Variants in SNTG1 observed in about 807,000 individuals in gnomAD.
The protein encoded by SNTG1 is syntrophin gamma 1, also known as gamma-1-syntrophin.
Under a neutral mutation model 74.7 loss-of-function variants are expected in SNTG1, and 39 were observed. The ratio of observed to expected loss-of-function variants is 0.52; its 90% CI spans 0.40 to 0.68. SNTG1 has a LOEUF of 0.68. Ranked by LOEUF, SNTG1 falls within the 30% of genes least tolerant of loss-of-function variation. SNTG1 has a pLI of 0.00. For synonymous variants in SNTG1, 254 were observed against 217.1 expected, an observed-to-expected ratio of 1.17 and a Z score of -1.49; for missense variants, 685 against 609.5, an observed-to-expected ratio of 1.12 and a Z score of -1.30.
intron 1 of SNTG1, among the ~76,000 whole-genome samples, chr8:50,151,812 G>A (rs1449077507): frequency 1.3e-5 from 2 of 152,184 alleles, no homozygotes; most frequent in Non-Finnish European, 2.9e-5. Context: ...CATTTGCTAA[G>A]GAGTGCTTTA....
chr8:50,470,438 T>A (rs1226388520), intron 8 of SNTG1, among the ~76,000 whole-genome samples: 1 of 152,094 alleles, frequency 6.6e-6, no homozygotes, highest in Non-Finnish European at 1.5e-5. Flanking sequence ...CCTTCAGATG[T>A]TCAGATGTGT....
At chr8:50,243,391 C>A (rs531737423) in intron 2 of SNTG1, among the ~76,000 whole-genome samples, 1 of 152,206 alleles carries the variant, frequency 6.6e-6, no homozygotes, top group Non-Finnish European at 1.5e-5. Flanking sequence ...CCCTATTTTA[C>A]TAAAATTTAT....
At chr8:50,029,180 A>G (rs1817535443) in intron 1 of SNTG1, among the ~76,000 whole-genome samples, 1 of 151,820 alleles carries the variant, frequency 6.6e-6, no homozygotes, top group Non-Finnish European at 1.5e-5. Context: ...GTCTTTTTAC[A>G]TTTGTTTTAT....
rs200236109 is a variant in SNTG1 at position 50,511,822 on chromosome 8, G to A, written c.466+8942G>A. On this transcript the variant is annotated intron_variant, in intron 9 of 18. Coordinates refer to ENST00000642720, the MANE Select transcript of SNTG1 (RefSeq NM_018967.5). Reference sequence around the variant, plus strand: ...GCCTATGTGTGTCTCTGCACGTGAGGTGGGTTTCCTGAATACAGCACACTG... The same window carrying A: ...GCCTATGTGTGTCTCTGCACGTGAGATGGGTTTCCTGAATACAGCACACTG... Among the ~76,000 whole-genome samples, 18 of 152,186 alleles carry A rather than the reference G, an allele frequency of 1.2e-4. No homozygotes were observed. In the East Asian group the frequency reaches 3.3e-3, roughly 28 times the overall value.
intron 17 of SNTG1, among the ~76,000 whole-genome samples, chr8:50,724,941 G>T (rs535254770): frequency 4.1e-4 from 62 of 152,198 alleles, no homozygotes; most frequent in Non-Finnish European, 7.8e-4. Flanking sequence ...AGAGTTAACA[G>T]ATTTTTTTAA....
chr8:50,519,905 C>T (rs1222495256), intron 9 of SNTG1, among the ~76,000 whole-genome samples: 1 of 150,730 alleles, frequency 6.6e-6, no homozygotes, highest in Non-Finnish European at 1.5e-5. Flanking sequence ...TTCAAGCTAC[C>T]ATTGACTTTC....
intron 1 of SNTG1, among the ~76,000 whole-genome samples, chr8:49,948,347 T>C (rs556871743): frequency 1.4e-3 from 215 of 152,326 alleles, no homozygotes; most frequent in African/African-American, 5.0e-3. Context: ...TGGGTTATTT[T>C]ACTGTGGTGA....
At chr8:50,683,660 CT>C (rs1388356358) in intron 15 of SNTG1, among the ~76,000 whole-genome samples, 5 of 152,154 alleles carry the variant, frequency 3.3e-5, no homozygotes, top group Admixed American at 3.3e-4. Context: ...CAAGTATTCC[CT>C]TTATATCCCA....
intron 8 of SNTG1, among the ~76,000 whole-genome samples, chr8:50,477,186 T>C (rs2093703765): frequency 2.0e-5 from 3 of 151,932 alleles, no homozygotes; most frequent in South Asian, 2.1e-4. Context: ...GTATGGGCTG[T>C]CCATTCTGAC....
At chr8:50,354,581 T>C (rs953892312) in intron 2 of SNTG1, among the ~76,000 whole-genome samples, 1 of 152,222 alleles carries the variant, frequency 6.6e-6, no homozygotes, top group Non-Finnish European at 1.5e-5. Flanking sequence ...TTATTGTCTC[T>C]TCTGTTATAT....
intron 12 of SNTG1, among the ~76,000 whole-genome samples, chr8:50,565,309 G>A (rs1354675468): frequency 2.6e-5 from 4 of 151,964 alleles, no homozygotes; most frequent in Non-Finnish European, 4.4e-5. Flanking sequence ...GTGGAAATCT[G>A]AAAAGAGTAT....
At chr8:50,393,387 T>G (rs2092687517) in intron 2 of SNTG1, among the ~76,000 whole-genome samples, 1 of 152,190 alleles carries the variant, frequency 6.6e-6, no homozygotes, top group Admixed American at 6.5e-5. Context: ...TGAGTAATTT[T>G]GAGGAGTACA....
intron 13 of SNTG1, among the ~76,000 whole-genome samples, chr8:50,653,348 C>T (rs758308847): frequency 6.6e-6 from 1 of 152,098 alleles, no homozygotes; most frequent in African/African-American, 2.4e-5. Flanking sequence ...AAGAGGATCA[C>T]TTGAGCTGGG....
chr8:50,578,939 G>C (rs1225547127), intron 12 of SNTG1, among the ~76,000 whole-genome samples: 1 of 152,156 alleles, frequency 6.6e-6, no homozygotes, highest in Non-Finnish European at 1.5e-5. Context: ...ACCTGAAAAT[G>C]TGGAAGTGAC....
At chr8:50,694,642 G>A (rs886924994) in intron 15 of SNTG1, among the ~76,000 whole-genome samples, 3 of 151,942 alleles carry the variant, frequency 2.0e-5, no homozygotes, top group Non-Finnish European at 1.5e-5. Flanking sequence ...GAAAATTATA[G>A]GCCAACACAC....
intron 11 of SNTG1, among the ~76,000 whole-genome samples, chr8:50,547,168 T>C (rs1020706252): frequency 6.6e-6 from 1 of 152,144 alleles, no homozygotes; most frequent in East Asian, 1.9e-4. Flanking sequence ...AGTTTCATCA[T>C]CCTGATGTTA....
At chr8:50,588,855 T>C (rs2130863647) in intron 12 of SNTG1, among the ~76,000 whole-genome samples, 1 of 152,242 alleles carries the variant, frequency 6.6e-6, no homozygotes, top group African/African-American at 2.4e-5. Context: ...TTTATTATTG[T>C]ATTCGCCACA....
chr8:50,296,891 T>C (rs1251167583), intron 2 of SNTG1, among the ~76,000 whole-genome samples: 59 of 152,212 alleles, frequency 3.9e-4, no homozygotes, highest in Non-Finnish European at 7.4e-5. Context: ...GCTTATTAAG[T>C]AGTAAGCGCA....
At chr8:50,265,464 C>G (rs996630856) in intron 2 of SNTG1, among the ~76,000 whole-genome samples, 1 of 151,978 alleles carries the variant, frequency 6.6e-6, no homozygotes, top group Non-Finnish European at 1.5e-5. Flanking sequence ...ACATAGAAAA[C>G]AATCTGATCA....
Sources: allele counts gnomAD v4.1 joint callset (sites outside exome capture counted in the v4.1 genomes callset), GRCh38; gene constraint gnomAD v4.1.1; transcripts MANE v1.5; gene names NCBI Gene and HGNC (gene_info 2026-07-23, HGNC 2026-07-21).